Variants in MTM1 observed in about 807,000 individuals in gnomAD.
MTM1 encodes the protein myotubularin.
A neutral mutation model predicts 52.1 loss-of-function variants in MTM1; 9 were observed. The observed-to-expected ratio is 0.17, with a 90% CI of 0.10 to 0.30. MTM1 has a LOEUF of 0.30. MTM1 is among the 10% of genes least tolerant of loss of function. The probability of loss-of-function intolerance (pLI) is 1.00; values close to 1 mark genes in which losing one functional copy is unlikely to be tolerated. For synonymous variants in MTM1, 136 were observed against 163.8 expected, an observed-to-expected ratio of 0.83 and a Z score of 1.29; for missense variants, 277 against 470.7, an observed-to-expected ratio of 0.59 and a Z score of 3.81.
intron 2 of MTM1, among the ~76,000 whole-genome samples, chrX:150,593,261 A>G (rs948058450): frequency 8.9e-6 from 1 of 112,580 alleles, no homozygotes; most frequent in Admixed American, 9.4e-5. Context: ...GCTAGACCTC[A>G]TGTTTAAGGT....
At chrX:150,586,558 T>C (rs2038789747) in intron 1 of MTM1, among the ~76,000 whole-genome samples, 1 of 110,841 alleles carries the variant, frequency 9.0e-6, no homozygotes, top group Non-Finnish European at 1.9e-5. Context: ...CAATCAAGGA[T>C]ATGGTATATT....
At chrX:150,593,995 T>C (rs2038933655) in intron 2 of MTM1, among the ~76,000 whole-genome samples, 2 of 110,961 alleles carry the variant, frequency 1.8e-5, no homozygotes, top group Admixed American at 1.9e-4. Flanking sequence ...TGTTTGTTAT[T>C]AGTTTGCATT....
At chrX:150,615,972 A>G (rs1163738412) in intron 5 of MTM1, among the ~76,000 whole-genome samples, 1 of 111,430 alleles carries the variant, frequency 9.0e-6, no homozygotes, top group Non-Finnish European at 1.9e-5. Context: ...TATTTTGCAT[A>G]AAAGGATTTA....
Position 150,579,469 on chromosome X carries a change from A to AT in MTM1, c.-11+10815dup, listed in dbSNP as rs1158252637. On this transcript the variant is annotated intron_variant, in intron 1 of 14. Transcript: ENST00000370396. ...TGTTCAGTGTTTCCCTAAGTATTTC[A>AT]TTTTTTTTGGTATTGCAAATGACAT... is the stretch of plus-strand genomic sequence containing the variant. Among the ~76,000 whole-genome samples the AT allele has an allele frequency of 9.0e-5, 10 of 110,713 alleles. No homozygotes were observed. The South Asian group carries it at 3.0e-3, about 33-fold the overall frequency.
At chrX:150,620,534 C>T (rs1557413261) in intron 6 of MTM1, among the ~76,000 whole-genome samples, 1 of 111,781 alleles carries the variant, frequency 8.9e-6, no homozygotes, top group Non-Finnish European at 1.9e-5. Flanking sequence ...ATCTCTTCCC[C>T]AGCATTCAAC....
intron 1 of MTM1, among the ~76,000 whole-genome samples, chrX:150,569,112 G>A (rs1485165885): frequency 8.8e-6 from 1 of 113,739 alleles, no homozygotes; most frequent in Non-Finnish European, 1.9e-5. Context: ...TCGCATCCCC[G>A]GTGGGCCCTG....
At chrX:150,594,831 C>T (rs1302361510) in intron 2 of MTM1, among the ~76,000 whole-genome samples, 4 of 111,480 alleles carry the variant, frequency 3.6e-5, no homozygotes, top group African/African-American at 9.8e-5. Context: ...TGCATTTGCT[C>T]GTTATGCCTG....
chrX:150,597,913 T>G (rs1557412640), intron 3 of MTM1, among the ~76,000 whole-genome samples: 1 of 110,532 alleles, frequency 9.0e-6, no homozygotes, highest in Non-Finnish European at 1.9e-5. Context: ...ACAGCAAAAC[T>G]TCATCTTTAC....
intron 10 of MTM1, among the ~76,000 whole-genome samples, chrX:150,656,152 A>T (rs1230055633): frequency 1.8e-5 from 2 of 110,993 alleles, no homozygotes; most frequent in Non-Finnish European, 3.8e-5. Context: ...GATCACAGTT[A>T]TGGATTGAAT....
chrX:150,612,197 A>G (rs1195006883), intron 4 of MTM1, among the ~76,000 whole-genome samples: 3 of 110,676 alleles, frequency 2.7e-5, no homozygotes, highest in African/African-American at 9.9e-5. Context: ...TCTCAAAAAA[A>G]AAAAAAAAGA....
chrX:150,669,448 T>C (rs1340444810), intron 14 of MTM1, among the ~76,000 whole-genome samples: 1 of 112,009 alleles, frequency 8.9e-6, no homozygotes, highest in Admixed American at 9.5e-5. Context: ...CGCCACACTG[T>C]CTTCCACAAT....
intron 1 of MTM1, among the ~76,000 whole-genome samples, chrX:150,591,328 G>A (rs1172960257): frequency 2.7e-5 from 3 of 111,879 alleles, no homozygotes; most frequent in African/African-American, 6.5e-5. Flanking sequence ...TATATTTGCC[G>A]CATAATCATT....
At chrX:150,593,095 C>T (rs1557412535) in intron 2 of MTM1, among the ~76,000 whole-genome samples, 3 of 112,589 alleles carry the variant, frequency 2.7e-5, no homozygotes, top group Non-Finnish European at 1.9e-5. Flanking sequence ...CCACTTGCCT[C>T]GGCCTCCCAA....
intron 6 of MTM1, among the ~76,000 whole-genome samples, chrX:150,633,813 C>T (rs1305228025): frequency 8.9e-6 from 1 of 112,203 alleles, no homozygotes; most frequent in Non-Finnish European, 1.9e-5. Flanking sequence ...GGGTAGATTG[C>T]CTGAGCTCAG....
chrX:150,662,625 C>T (rs1028739045), intron 13 of MTM1, among the ~76,000 whole-genome samples: 2 of 112,065 alleles, frequency 1.8e-5, no homozygotes, highest in Non-Finnish European at 3.8e-5. Context: ...CACCCGGCCA[C>T]GAAATTTCTT....
intron 6 of MTM1, among the ~76,000 whole-genome samples, chrX:150,624,766 A>G (rs1486922643): frequency 8.9e-6 from 1 of 112,276 alleles, no homozygotes; most frequent in Non-Finnish European, 1.9e-5. Context: ...GTTGAAGTGC[A>G]TTGCTTACCG....
Position 150,652,647 on chromosome X carries a change from G to GTA in MTM1, c.1053+2757_1053+2758dup, listed in dbSNP as rs199835037. 1.2e-3 allele frequency among the ~76,000 whole-genome samples: 63 copies of GTA among 52,773 alleles called. No homozygotes were observed. In the East Asian group the frequency reaches 0.02, roughly 17 times the overall value. 45.8% of individuals were successfully genotyped at this position (52,773 alleles called of 115,157 possible). ...TATACATATATATACGTGTGTGTGT[G>GTA]TATATATATATACACACACACACAC... On this transcript the variant is annotated intron_variant, in intron 10 of 14. Transcript: ENST00000370396.
At chrX:150,631,805 ACT>A (rs1210635782) in intron 6 of MTM1, among the ~76,000 whole-genome samples, 1 of 110,472 alleles carries the variant, frequency 9.1e-6, no homozygotes, top group Non-Finnish European at 1.9e-5. Context: ...TATGAATCCA[ACT>A]CTTTCTTCCC....
chrX:150,628,378 A>G (rs2039605405), intron 6 of MTM1, among the ~76,000 whole-genome samples: 1 of 111,073 alleles, frequency 9.0e-6, no homozygotes, highest in Non-Finnish European at 1.9e-5. Context: ...TCTGAGATCT[A>G]AGTCCTCTGC....
Sources: gnomAD v4.1 joint callset for allele counts (sites outside exome capture counted in the v4.1 genomes callset) on GRCh38, gnomAD v4.1.1 for gene constraint, MANE v1.5 for transcripts, NCBI Gene and HGNC (gene_info 2026-07-23, HGNC 2026-07-21) for gene names.